Variants in HCN1 observed in about 807,000 individuals in gnomAD.
HCN1 encodes the protein potassium/sodium hyperpolarization-activated cyclic nucleotide-gated channel 1.
In HCN1, 13 loss-of-function variants were observed where a neutral mutation model predicts 78.9. The observed-to-expected ratio is 0.16, with a 90% CI of 0.11 to 0.26. The LOEUF (loss-of-function observed/expected upper bound fraction) is 0.26. Among genes scored for constraint, HCN1 ranks in the 10% least tolerant of loss-of-function variants. The pLI is 1.00. For synonymous variants in HCN1, 552 were observed against 455.5 expected (o/e 1.21, Z -2.70); for missense variants, 810 against 1,154.3 (o/e 0.70, Z 4.32).
chr5:45,521,740 T>A (rs1192766052), intron 2 of HCN1, among the ~76,000 whole-genome samples: 1 of 151,918 alleles, frequency 6.6e-6, no homozygotes, highest in Non-Finnish European at 1.5e-5. Flanking sequence ...AATTAACCCA[T>A]AACAGCAAGG....
At chr5:45,497,205 A>G (rs1258435836) in intron 2 of HCN1, among the ~76,000 whole-genome samples, 1 of 152,132 alleles carries the variant, frequency 6.6e-6, no homozygotes, top group Non-Finnish European at 1.5e-5. Context: ...AATTCTGTAG[A>G]TGTCTATTAG....
Position 45,504,473 on chromosome 5 carries a change from C to A in HCN1, c.850-42466G>T, listed in dbSNP as rs139608285. On this transcript the variant is annotated intron_variant, in intron 2 of 7. Transcript: ENST00000303230. ...CATAGTATTCCATGGTGTATATGTG[C>A]CACATTTTCTTAATCCAGTCTATTG... 5.2e-3 allele frequency among the ~76,000 whole-genome samples: 786 copies of A among 152,216 alleles called. 10 individuals are homozygous for A. Among genetic ancestry groups the A allele is most frequent in the African/African-American group, 0.017 (700 of 41,516 alleles).
intron 2 of HCN1, among the ~76,000 whole-genome samples, chr5:45,639,624 A>G (rs1377546098): frequency 6.6e-6 from 1 of 152,208 alleles, no homozygotes; most frequent in African/African-American, 2.4e-5. Flanking sequence ...CTGCAAATAG[A>G]CTTCATAGAA....
chr5:45,507,656 A>C (rs555158335), intron 2 of HCN1, among the ~76,000 whole-genome samples: 1 of 152,188 alleles, frequency 6.6e-6, no homozygotes, highest in Non-Finnish European at 1.5e-5. Context: ...GCACACACAC[A>C]TGGTCAGAAG....
intron 2 of HCN1, among the ~76,000 whole-genome samples, chr5:45,612,365 T>C (rs1387675803): frequency 6.6e-6 from 1 of 152,190 alleles, no homozygotes; most frequent in Non-Finnish European, 1.5e-5. Context: ...AGGCACTAAG[T>C]CTCTTGGAGG....
chr5:45,449,152 C>A (rs752600282), intron 3 of HCN1, among the ~76,000 whole-genome samples: 37 of 152,074 alleles, frequency 2.4e-4, no homozygotes, highest in Non-Finnish European at 4.1e-4. Flanking sequence ...CCTTTATTTA[C>A]CTCAAAATTC....
intron 2 of HCN1, among the ~76,000 whole-genome samples, chr5:45,578,993 C>G (rs1279219941): frequency 6.6e-6 from 1 of 151,926 alleles, no homozygotes; most frequent in Admixed American, 6.6e-5. Context: ...TCATCGTTAT[C>G]TCATGACATT....
chr5:45,374,674 C>T (rs1183191327), intron 4 of HCN1, among the ~76,000 whole-genome samples: 2 of 150,358 alleles, frequency 1.3e-5, no homozygotes, highest in Non-Finnish European at 3.0e-5. Flanking sequence ...GATACCAAAA[C>T]CCGGCAGAGA....
At chr5:45,372,127 T>C (rs1225828648) in intron 4 of HCN1, among the ~76,000 whole-genome samples, 2 of 55,816 alleles carry the variant, frequency 3.6e-5, no homozygotes, top group Non-Finnish European at 5.3e-5. Flanking sequence ...ATATATTATA[T>C]ATATAATATA....
intron 3 of HCN1, among the ~76,000 whole-genome samples, chr5:45,435,169 A>T (rs1337832910): frequency 1.3e-5 from 2 of 152,094 alleles, no homozygotes; most frequent in Non-Finnish European, 2.9e-5. Context: ...TTATATACTT[A>T]TCATCAAATC....
intron 1 of HCN1, among the ~76,000 whole-genome samples, chr5:45,651,351 C>A (rs915669829): frequency 6.6e-6 from 1 of 151,956 alleles, no homozygotes; most frequent in Non-Finnish European, 1.5e-5. Context: ...TAGTGGTATT[C>A]TGGGAGACTA....
At chr5:45,284,107 CAAAG>C (rs1561088081) in intron 6 of HCN1, among the ~76,000 whole-genome samples, 1 of 151,850 alleles carries the variant, frequency 6.6e-6, no homozygotes, top group African/African-American at 2.4e-5. Flanking sequence ...CTCATGAACA[CAAAG>C]AAGGGAACAG....
intron 5 of HCN1, among the ~76,000 whole-genome samples, chr5:45,340,648 GTT>G (rs376304053): frequency 6.8e-6 from 1 of 147,352 alleles, no homozygotes; most frequent in African/African-American, 2.5e-5. Flanking sequence ...TGTTGATAGA[GTT>G]TTTTTTTTTA....
chr5:45,494,080 T>C (rs965987796), intron 2 of HCN1, among the ~76,000 whole-genome samples: 12 of 152,164 alleles, frequency 7.9e-5, no homozygotes, highest in Admixed American at 2.6e-4. Context: ...TGTGTCTTTA[T>C]AGCAGCATGA....
intron 1 of HCN1, among the ~76,000 whole-genome samples, chr5:45,664,893 A>T (rs1246393909): frequency 5.3e-5 from 8 of 151,988 alleles, no homozygotes; most frequent in African/African-American, 1.2e-4. Context: ...CAGTGTGGCG[A>T]TTCCTCAGGC....
chr5:45,335,716 T>C (rs144502915), intron 5 of HCN1, among the ~76,000 whole-genome samples: 2 of 152,238 alleles, frequency 1.3e-5, no homozygotes, highest in South Asian at 2.1e-4. Flanking sequence ...TAAATTCTAC[T>C]GTGTACTTAC....
chr5:45,337,996 A>G (rs1579821224), intron 5 of HCN1, among the ~76,000 whole-genome samples: 1 of 152,176 alleles, frequency 6.6e-6, no homozygotes, highest in Non-Finnish European at 1.5e-5. Flanking sequence ...AATTAATTTT[A>G]TATGCATGGT....
At chr5:45,345,372 C>T (rs147485321) in intron 5 of HCN1, among the ~76,000 whole-genome samples, 1,794 of 152,286 alleles carry the variant, frequency 0.012, 15 homozygotes, top group Middle Eastern at 0.061. Flanking sequence ...TAACATCCAA[C>T]GCCTTGTCAC....
chr5:45,315,771 G>T (rs949402850), intron 5 of HCN1, among the ~76,000 whole-genome samples: 24 of 152,110 alleles, frequency 1.6e-4, no homozygotes, highest in Admixed American at 1.3e-4. Flanking sequence ...TACCATCAGA[G>T]AATACTATAA....
Sources: allele counts gnomAD v4.1 joint callset (sites outside exome capture counted in the v4.1 genomes callset), GRCh38; gene constraint gnomAD v4.1.1; transcripts MANE v1.5; gene names NCBI Gene and HGNC (gene_info 2026-07-23, HGNC 2026-07-21).